The following SHANK2 variants were observed in gnomAD, a reference collection of about 807,000 sequenced individuals.
SHANK2 encodes SH3 and multiple ankyrin repeat domains protein 2.
A neutral mutation model predicts 133.7 loss-of-function variants in SHANK2; 43 were observed. That is an observed-to-expected ratio of 0.32 (90% CI 0.25 to 0.41). The LOEUF (loss-of-function observed/expected upper bound fraction) is 0.41. Ranked by LOEUF, SHANK2 falls within the 10% of genes least tolerant of loss-of-function variation. The pLI, the probability that SHANK2 is intolerant of heterozygous loss-of-function variation, is 1.00. For missense variants in SHANK2, 1,994 were observed against 2,235.8 expected (o/e 0.89, Z 2.18); for synonymous variants, 1,017 against 952.8 (o/e 1.07, Z -1.24).
At chr11:70,835,369 C>T (rs1479313166) in intron 11 of SHANK2, among the ~76,000 whole-genome samples, 2 of 152,218 alleles carry the variant, frequency 1.3e-5, no homozygotes, top group African/African-American at 4.8e-5. Context: ...GGACACAGGA[C>T]GCTCAGTCAA....
At chr11:70,511,354 C>T (rs1554969271) in intron 17 of SHANK2, among the ~76,000 whole-genome samples, 1 of 152,206 alleles carries the variant, frequency 6.6e-6, no homozygotes, top group East Asian at 1.9e-4. Context: ...ATCAGTTTAA[C>T]CTGCAATGAG....
At chr11:71,191,121 C>T (rs547797922) in intron 2 of SHANK2, among the ~76,000 whole-genome samples, 24 of 151,696 alleles carry the variant, frequency 1.6e-4, no homozygotes, top group African/African-American at 5.1e-4. Flanking sequence ...CAGTAAGCCA[C>T]GATTGCTCCG....
Position 70,832,533 on chromosome 11 carries a change from G to A in SHANK2, c.1175-11851C>T, listed in dbSNP as rs114620794. Among the ~76,000 whole-genome samples, 286 of 152,282 alleles carry A rather than the reference G, an allele frequency of 1.9e-3. 1 individual carries two copies. Among genetic ancestry groups the A allele is most frequent in the African/African-American group, 6.7e-3 (280 of 41,558 alleles). The stretch of plus-strand genomic sequence containing the variant: ...GCCCTCCTCCCTGCCCTGCACACTG[G>A]CAGTGATCCCTAGTGCTCTGGAGAT... On this transcript the variant is annotated intron_variant, in intron 11 of 25. Coordinates refer to ENST00000601538, the MANE Select transcript of SHANK2 (RefSeq NM_012309.5).
At chr11:70,751,942 G>A (rs555921540) in intron 14 of SHANK2, among the ~76,000 whole-genome samples, 19 of 151,614 alleles carry the variant, frequency 1.3e-4, no homozygotes, top group East Asian at 7.7e-4. Flanking sequence ...AAAAATTATC[G>A]GGAAAGAAAA....
intron 14 of SHANK2, among the ~76,000 whole-genome samples, chr11:70,724,038 TC>T (rs1339870377): frequency 9.5e-6 from 1 of 105,260 alleles, no homozygotes; most frequent in Non-Finnish European, 1.9e-5. Context: ...CAAAGTTCAT[TC>T]TTTTTTTTTT....
Position 70,820,513 on chromosome 11 carries a change from C to T in SHANK2, c.1344G>A (p.Gln448=), listed in dbSNP as rs1444987827. 9 of 717,012 alleles carry T rather than the reference C, an allele frequency of 1.3e-5. No individual in the cohort carries two copies. Among genetic ancestry groups the T allele is most frequent in the Non-Finnish European group, 2.3e-5 (9 of 384,788 alleles). 44.4% of individuals were successfully genotyped at this position (717,012 alleles called of 1,614,324 possible). The change falls in exon 12 of 26, where the codon CAG becomes CAA. Residue 448 remains glutamine (Q), a synonymous_variant. Coordinates refer to ENST00000601538, the MANE Select transcript of SHANK2 (RefSeq NM_012309.5). ...GCTTGCTGGGCATCTGCTGCAGCAGCTGGGGTGACAGGCTGCGGTGCGAGG... is the reference window on the plus strand; with the variant it reads ...GCTTGCTGGGCATCTGCTGCAGCAGTTGGGGTGACAGGCTGCGGTGCGAGG... ...TATSHRSLSP[Q]LLQQMPSKPE...
chr11:70,489,264 A>G, intron 24 of SHANK2, 64 bp downstream of exon 24: 1 of 1,500,282 alleles, frequency 6.7e-7, no homozygotes, highest in Non-Finnish European at 9.3e-7. Flanking sequence ...ATTTAAGAAT[A>G]CACCTTATAA....
rs1555094951 is a variant in SHANK2 at position 71,094,577 on chromosome 11, A to T, written c.704T>A (p.Leu235Gln). ...GTTCCTCGCTCGGGCAGCTTTGTGT[A>T]GGGCGGTCATCCCATCTTTGGCACG... ...DFRAKDGMTA[L>Q]HKAARARNQV... Residue 235 changes from leucine (L) to glutamine (Q), a missense_variant, in exon 7 of 26, where the codon CTA (leucine) becomes CAA (glutamine). Leu to Gln is a moderately radical substitution (Grantham distance 113). Around this residue, in one of 5 missense-constraint regions of SHANK2, gnomAD observed 653 missense variants for 563.4 expected, o/e 1.16. Coordinates refer to ENST00000601538, the MANE Select transcript of SHANK2 (RefSeq NM_012309.5). 1 of 1,551,634 alleles carries T rather than the reference A, an allele frequency of 6.4e-7. No homozygotes were observed. Among genetic ancestry groups the T allele is most frequent in the African/African-American group, 1.4e-5 (1 of 73,140 alleles).
At chr11:70,636,875 T>TGCACATGGTAGCATGTGTGC (rs1396710333) in intron 17 of SHANK2, among the ~76,000 whole-genome samples, 28 of 152,072 alleles carry the variant, frequency 1.8e-4, no homozygotes, top group African/African-American at 6.3e-4. Flanking sequence ...AACATGTGTG[T>TGCACATGGTAGCATGTGTGC]GCACATGGTA....
At chr11:70,475,253 G>A (rs2135675014) in intron 25 of SHANK2, 1 of 152,306 alleles carries the variant, frequency 6.6e-6, no homozygotes, top group South Asian at 2.1e-4. Context: ...TCAAACCTGT[G>A]GAAGCAGGAG....
intron 17 of SHANK2, among the ~76,000 whole-genome samples, chr11:70,617,027 G>A (rs1006017358): frequency 1.1e-4 from 16 of 151,984 alleles, no homozygotes; most frequent in South Asian, 2.1e-4. Context: ...GCCTATGAGC[G>A]TGTGTGTCTA....
chr11:70,629,555 G>A (rs2060953677), intron 17 of SHANK2, among the ~76,000 whole-genome samples: 2 of 152,112 alleles, frequency 1.3e-5, no homozygotes, highest in Admixed American at 1.3e-4. Context: ...GGGAAGGGCA[G>A]CGGGATGAGC....
intron 2 of SHANK2, among the ~76,000 whole-genome samples, chr11:71,167,776 G>A (rs1953204259): frequency 1.4e-5 from 2 of 140,676 alleles, no homozygotes; most frequent in Non-Finnish European, 3.1e-5. Context: ...CCCGGACGGG[G>A]CGGCTGGCCG....
intron 3 of SHANK2, among the ~76,000 whole-genome samples, chr11:71,129,516 G>A (rs1466624687): frequency 2.6e-5 from 4 of 152,178 alleles, no homozygotes; most frequent in African/African-American, 7.2e-5. Flanking sequence ...ATGATGGTAC[G>A]TGTCTGCAGT....
At chr11:70,604,557 C>T (rs963479839) in intron 17 of SHANK2, 23 of 152,214 alleles carry the variant, frequency 1.5e-4, no homozygotes, top group African/African-American at 4.3e-4. Context: ...GCGCCTGACC[C>T]GAGACCTCCT....
Position 70,664,311 on chromosome 11 carries a change from C to T in SHANK2, c.1854-2633G>A, listed in dbSNP as rs762091093. On this transcript the variant is annotated intron_variant, in intron 15 of 25. Coordinates refer to ENST00000601538, the MANE Select transcript of SHANK2 (RefSeq NM_012309.5). ...CCACCCCGGCCCCATGGCTCACTCACGGCTGGGGAGGCGCAAGCTGTGTGA... is the reference window on the plus strand; with the variant it reads ...CCACCCCGGCCCCATGGCTCACTCATGGCTGGGGAGGCGCAAGCTGTGTGA... Among the ~76,000 whole-genome samples, 9 of 152,318 alleles carry T rather than the reference C, an allele frequency of 5.9e-5. No individual in the cohort carries two copies. The Middle Eastern group carries it at 0.01, about 173-fold the overall frequency.
chr11:70,561,017 A>C lies in SHANK2; in HGVS notation c.2062-58086T>G, dbSNP rs79074378. ...GAAAAGAGAGCGCAGAGATAGCCCC[A>C]CACACACACGAAGAACGGGTTTTTG... On this transcript the variant is annotated intron_variant, in intron 17 of 25. Transcript: ENST00000601538. Among the ~76,000 whole-genome samples the C allele has an allele frequency of 8.8e-3, 1,343 of 152,322 alleles. 8 individuals are homozygous for C. Among genetic ancestry groups the C allele is most frequent in the Admixed American group, 0.013 (205 of 15,294 alleles).
intron 2 of SHANK2, among the ~76,000 whole-genome samples, chr11:71,155,134 A>T (rs1321238007): frequency 1.9e-5 from 1 of 51,578 alleles, no homozygotes. Flanking sequence ...GACCTACCCC[A>T]GCCCACGCTC....
intron 17 of SHANK2, chr11:70,604,583 T>C (rs7939551): frequency 0.49 from 74,047 of 152,142 alleles, 18,290 homozygotes; most frequent in East Asian, 0.66. Flanking sequence ...GTGGTTGCTG[T>C]GTAGAGACAA....
Sources: gnomAD v4.1 joint callset for allele counts (sites outside exome capture counted in the v4.1 genomes callset) on GRCh38, gnomAD v4.1.1 for gene constraint, gnomAD v4.1.1 regional missense constraint, MANE v1.5 for transcripts, NCBI Gene and HGNC (gene_info 2026-07-23, HGNC 2026-07-21) for gene names.